The following COL4A2 variants were observed in gnomAD, a reference collection of about 807,000 sequenced individuals.
The protein encoded by COL4A2 is collagen alpha-2(IV) chain.
A neutral mutation model predicts 200.2 loss-of-function variants in COL4A2; 99 were observed. The observed-to-expected ratio is 0.49, with a 90% CI of 0.42 to 0.58. The LOEUF (loss-of-function observed/expected upper bound fraction) is 0.58. Among genes scored for constraint, COL4A2 ranks in the 20% least tolerant of loss-of-function variants. The probability of loss-of-function intolerance (pLI) is 0.00; values close to 1 mark genes in which losing one functional copy is unlikely to be tolerated. For missense variants in COL4A2, 1,950 were observed against 2,314.1 expected (o/e 0.84, Z 3.23); for synonymous variants, 897 against 900.6 (o/e 1.00, Z 0.07).
At position 110,380,903 on chromosome 13, in the gene COL4A2, C is replaced by T. The variant is rs367554708; in HGVS notation, c.180+23351C>T. Reference sequence around the variant, plus strand: ...ACACCCACGAGCTCTATGTCACACCCACATGCTCTATCTCACAACCACAGG... The same window carrying T: ...ACACCCACGAGCTCTATGTCACACCTACATGCTCTATCTCACAACCACAGG... On this transcript the variant is annotated intron_variant, in intron 4 of 47. Transcript: ENST00000360467. Among the ~76,000 whole-genome samples the T allele has an allele frequency of 3.3e-5, 5 of 150,062 alleles. No individual in the cohort carries two copies. In the East Asian group the frequency reaches 8.0e-4, roughly 24 times the overall value.
chr13:110,338,855 G>C (rs573731459), intron 3 of COL4A2, among the ~76,000 whole-genome samples: 4 of 152,234 alleles, frequency 2.6e-5, no homozygotes, highest in Admixed American at 6.5e-5. Context: ...AGGTCACAAC[G>C]CTTGTGGAGT....
chr13:110,422,319 C>A (rs544434863), intron 4 of COL4A2, among the ~76,000 whole-genome samples: 1 of 152,324 alleles, frequency 6.6e-6, no homozygotes, highest in East Asian at 1.9e-4. Flanking sequence ...AACTTAACAA[C>A]AAATGTCGTG....
chr13:110,380,015 G>T (rs932458701), intron 4 of COL4A2, among the ~76,000 whole-genome samples: 2 of 152,174 alleles, frequency 1.3e-5, no homozygotes, highest in African/African-American at 4.8e-5. Flanking sequence ...GCCTTCCCTT[G>T]CAATGGCCTG....
At chr13:110,507,123 G>C (rs951215281) in intron 46 of COL4A2, among the ~76,000 whole-genome samples, 1 of 152,228 alleles carries the variant, frequency 6.6e-6, no homozygotes, top group African/African-American at 2.4e-5. Flanking sequence ...TACAAGTGGA[G>C]GTAGCTTAGT....
Position 110,503,138 on chromosome 13 carries a change from G to C in COL4A2, c.3895G>C (p.Gly1299Arg), listed in dbSNP as rs1372708958. Residue 1299 changes from glycine (G) to arginine (R), a missense_variant, in exon 42 of 48, where the codon GGG becomes CGG. Gly to Arg is a moderately radical substitution (Grantham distance 125). This residue lies in a region of COL4A2 where 1,385 missense variants were observed against 1,720.5 expected (regional missense o/e 0.80). Coordinates refer to ENST00000360467, the MANE Select transcript of COL4A2 (RefSeq NM_001846.4). The stretch of plus-strand genomic sequence containing the variant: ...GCCAACAGGTTATCGGGGCCCACCA[G>C]GGCCACCAGGTTCTGCTGCTCTTCC... ...FGLKGYRGPP[G>R]PPGSAALPGS... 4 of 1,613,682 alleles carry C rather than the reference G, an allele frequency of 2.5e-6. No individual in the cohort carries two copies. Among genetic ancestry groups the C allele is most frequent in the African/African-American group, 1.3e-5 (1 of 74,908 alleles).
intron 16 of COL4A2, among the ~76,000 whole-genome samples, chr13:110,440,384 G>A (rs560428187): frequency 9.9e-5 from 15 of 152,178 alleles, no homozygotes; most frequent in Non-Finnish European, 1.6e-4. Context: ...GATCACCTGA[G>A]GTCAGGAGTA....
In COL4A2 at chr13:110,467,401, G is replaced by A. The variant is rs143679930; in HGVS notation, c.2095+305G>A. On this transcript the variant is annotated intron_variant, in intron 27 of 47. Coordinates refer to ENST00000360467, the MANE Select transcript of COL4A2 (RefSeq NM_001846.4). The stretch of plus-strand genomic sequence containing the variant: ...GCCTCGTGTTTAGGACTGGAAAGGG[G>A]TTGCACTTCTATGTATTTTCTTTTT... Among the ~76,000 whole-genome samples the A allele has an allele frequency of 0.014, 2,157 of 152,356 alleles. 31 individuals carry two copies. Among genetic ancestry groups the A allele is most frequent in the South Asian group, 0.057 (275 of 4,828 alleles).
intron 12 of COL4A2, among the ~76,000 whole-genome samples, chr13:110,435,232 G>A (rs1880828282): frequency 6.6e-6 from 1 of 151,502 alleles, no homozygotes; most frequent in South Asian, 2.1e-4. Context: ...TGGGCTTCTG[G>A]GAAAAAAAAG....
intron 4 of COL4A2, among the ~76,000 whole-genome samples, chr13:110,387,441 G>T (rs536213060): frequency 3.9e-4 from 60 of 152,308 alleles, no homozygotes; most frequent in Middle Eastern, 3.4e-3. Context: ...TTCCATGTGG[G>T]TGTTTCCGTG....
At chr13:110,494,441 TA>T (rs1883386082) in intron 39 of COL4A2, among the ~76,000 whole-genome samples, 3 of 152,250 alleles carry the variant, frequency 2.0e-5, no homozygotes, top group Admixed American at 6.5e-5. Flanking sequence ...ATAGGACTAA[TA>T]AAATAACATT....
intron 29 of COL4A2, chr13:110,473,358 G>A (rs1398541445): frequency 9.5e-6 from 5 of 528,546 alleles, no homozygotes; most frequent in African/African-American, 2.0e-5. Flanking sequence ...GTGCGATCTG[G>A]CCATCTGAGA....
chr13:110,400,374 C>A (rs1879329820), intron 4 of COL4A2, among the ~76,000 whole-genome samples: 1 of 152,196 alleles, frequency 6.6e-6, no homozygotes, highest in African/African-American at 2.4e-5. Flanking sequence ...AATGTTCATT[C>A]CTTCTCCCTG....
intron 4 of COL4A2, among the ~76,000 whole-genome samples, chr13:110,374,752 CCTGCTCTGTCCCA>C: frequency 6.6e-6 from 1 of 152,338 alleles, no homozygotes; most frequent in South Asian, 2.1e-4. Flanking sequence ...CTCCCACTCT[CCTGCTCTGTCCCA>C]CTGCTCCACC....
chr13:110,399,893 G>A (rs935689809), intron 4 of COL4A2, among the ~76,000 whole-genome samples: 1 of 152,162 alleles, frequency 6.6e-6, no homozygotes. Flanking sequence ...CTTGATAATT[G>A]CAGAAGTTCC....
At chr13:110,335,522 G>T (rs2139366082) in intron 3 of COL4A2, among the ~76,000 whole-genome samples, 1 of 152,276 alleles carries the variant, frequency 6.6e-6, no homozygotes, top group African/African-American at 2.4e-5. Context: ...GGCCTCCCCA[G>T]CCACATGGAA....
intron 4 of COL4A2, among the ~76,000 whole-genome samples, chr13:110,391,380 G>A (rs949992260): frequency 1.3e-5 from 2 of 152,222 alleles, no homozygotes; most frequent in African/African-American, 4.8e-5. Context: ...GCCAGACTTG[G>A]TCATTTGTGA....
At chr13:110,411,361 T>C (rs893721185) in intron 4 of COL4A2, among the ~76,000 whole-genome samples, 1 of 152,230 alleles carries the variant, frequency 6.6e-6, no homozygotes, top group Non-Finnish European at 1.5e-5. Flanking sequence ...TCAGAGAAGG[T>C]AGAGAAAGCA....
rs754531309 is a variant in COL4A2 at position 110,428,550 on chromosome 13, GC to G, written c.450del (p.Gly151AlafsTer95). The part of the protein sequence containing the change: ...GTQGDSGPQG[P>X]PGSEGFTGPP... Reference sequence around the variant, plus strand: ...CCCAGGGAGACTCAGGTCCACAGGGGCCCCCCGGCTCTGAGGGGTTCACCGG... The same window carrying G: ...CCCAGGGAGACTCAGGTCCACAGGGGCCCCCGGCTCTGAGGGGTTCACCGG... On this transcript the variant is annotated frameshift_variant, in exon 7 of 48. Coordinates refer to ENST00000360467, the MANE Select transcript of COL4A2 (RefSeq NM_001846.4). LOFTEE classifies it high-confidence loss of function. 21 of 1,576,602 alleles carry G rather than the reference GC, an allele frequency of 1.3e-5. No homozygotes were observed. The highest frequency in any genetic ancestry group is 7.8e-5 in the Admixed American group (4 of 51,452).
At chr13:110,323,634 G>A (rs1043460145) in intron 3 of COL4A2, among the ~76,000 whole-genome samples, 1 of 152,186 alleles carries the variant, frequency 6.6e-6, no homozygotes, top group African/African-American at 2.4e-5. Flanking sequence ...GGCAGGTGGA[G>A]TTGAAGTCAG....
Sources: allele counts gnomAD v4.1 joint callset (sites outside exome capture counted in the v4.1 genomes callset), GRCh38; gene constraint gnomAD v4.1.1; regional missense constraint gnomAD v4.1.1; transcripts MANE v1.5; gene names NCBI Gene and HGNC (gene_info 2026-07-23, HGNC 2026-07-21).